The following KCNB2 variants were observed in gnomAD, a reference collection of about 807,000 sequenced individuals.
KCNB2 encodes delayed rectifier potassium channel protein.
In KCNB2, 15 loss-of-function variants were observed where a neutral mutation model predicts 61.5. That is an observed-to-expected ratio of 0.24 (90% CI 0.16 to 0.38). The LOEUF (loss-of-function observed/expected upper bound fraction) is 0.38. Among genes scored for constraint, KCNB2 ranks in the 10% least tolerant of loss-of-function variants. The pLI, the probability that KCNB2 is intolerant of heterozygous loss-of-function variation, is 1.00. For synonymous variants in KCNB2, 457 were observed against 446.0 expected (o/e 1.02, Z -0.31); for missense variants, 828 against 1,125.2 (o/e 0.74, Z 3.78).
At chr8:72,838,898 C>T (rs1352282613) in intron 2 of KCNB2, among the ~76,000 whole-genome samples, 1 of 152,148 alleles carries the variant, frequency 6.6e-6, no homozygotes, top group Non-Finnish European at 1.5e-5. Context: ...AATCCTCACT[C>T]TACTTTTTTA....
chr8:72,910,840 G>A (rs1021249594), intron 2 of KCNB2, among the ~76,000 whole-genome samples: 7 of 152,190 alleles, frequency 4.6e-5, no homozygotes, highest in Non-Finnish European at 1.0e-4. Context: ...GTATTCTGAC[G>A]ATTGAAATTT....
intron 2 of KCNB2, among the ~76,000 whole-genome samples, chr8:72,593,559 C>A (rs1807135261): frequency 1.3e-5 from 2 of 152,172 alleles, no homozygotes; most frequent in Admixed American, 6.5e-5. Flanking sequence ...AATTCCTGGG[C>A]AACTCTAGGG....
In KCNB2 at chr8:72,753,524, C is replaced by G. The variant is rs375006419; in HGVS notation, c.580-182411C>G. 1.9e-4 allele frequency among the ~76,000 whole-genome samples: 29 copies of G among 152,250 alleles called. No individual in the cohort carries two copies. In the East Asian group the frequency reaches 3.7e-3, roughly 19 times the overall value. On this transcript the variant is annotated intron_variant, in intron 2 of 2. Coordinates refer to ENST00000523207, the MANE Select transcript of KCNB2 (RefSeq NM_004770.3). The stretch of plus-strand genomic sequence containing the variant: ...GTTACACACTGGGAAGTACAGAATG[C>G]TATAGGAACCTGGAAGAAGAGGATG...
intron 2 of KCNB2, among the ~76,000 whole-genome samples, chr8:72,569,486 G>C (rs1020968641): frequency 6.6e-6 from 1 of 151,988 alleles, no homozygotes; most frequent in African/African-American, 2.4e-5. Context: ...ACTTCTAAAG[G>C]CATTTTACTT....
chr8:72,698,230 C>T (rs1807050622), intron 2 of KCNB2, among the ~76,000 whole-genome samples: 1 of 151,276 alleles, frequency 6.6e-6, no homozygotes, highest in Admixed American at 6.6e-5. Flanking sequence ...ATCAAGCAAA[C>T]TCAAGCAAAA....
intron 2 of KCNB2, among the ~76,000 whole-genome samples, chr8:72,909,685 G>C (rs1806250564): frequency 6.6e-6 from 1 of 152,054 alleles, no homozygotes; most frequent in African/African-American, 2.4e-5. Context: ...CCACACTCAG[G>C]TAGTGGCAAA....
intron 2 of KCNB2, among the ~76,000 whole-genome samples, chr8:72,904,179 C>T (rs1319392979): frequency 1.3e-5 from 2 of 152,118 alleles, no homozygotes; most frequent in Non-Finnish European, 2.9e-5. Flanking sequence ...TCACCAATCA[C>T]TTTCATCAAT....
chr8:72,607,238 AGAGGGATG>A (rs1805464277), intron 2 of KCNB2, among the ~76,000 whole-genome samples: 1 of 152,038 alleles, frequency 6.6e-6, no homozygotes, highest in African/African-American at 2.4e-5. Context: ...TGGTGTGGGG[AGAGGGATG>A]GAGTTGGAGG....
intron 2 of KCNB2, among the ~76,000 whole-genome samples, chr8:72,838,892 C>G (rs953763162): frequency 2.0e-5 from 3 of 152,076 alleles, no homozygotes; most frequent in Non-Finnish European, 4.4e-5. Context: ...CAAGACAATC[C>G]TCACTCTACT....
At chr8:72,858,818 A>G (rs922967629) in intron 2 of KCNB2, among the ~76,000 whole-genome samples, 5 of 152,180 alleles carry the variant, frequency 3.3e-5, no homozygotes, top group African/African-American at 1.2e-4. Context: ...CTCTTCCTCA[A>G]TACATGTTGT....
chr8:72,577,692 A>C lies in KCNB2; in HGVS notation c.579+9379A>C, dbSNP rs141678632. On this transcript the variant is annotated intron_variant, in intron 2 of 2. Coordinates refer to ENST00000523207, the MANE Select transcript of KCNB2 (RefSeq NM_004770.3). ...CTCGTGATGCAACCCCAAGTGTTGGATGCCACTTTAAATAGCTACTTCAAG... is the reference window on the plus strand; with the variant it reads ...CTCGTGATGCAACCCCAAGTGTTGGCTGCCACTTTAAATAGCTACTTCAAG... Among the ~76,000 whole-genome samples, 184 of 152,278 alleles carry C rather than the reference A, an allele frequency of 1.2e-3. 1 individual carries two copies. The highest frequency in any genetic ancestry group is 2.3e-3 in the Non-Finnish European group (159 of 68,024).
chr8:72,844,068 C>T (rs1417467407), intron 2 of KCNB2, among the ~76,000 whole-genome samples: 1 of 152,138 alleles, frequency 6.6e-6, no homozygotes, highest in Non-Finnish European at 1.5e-5. Flanking sequence ...TTTGCAGTGG[C>T]TGGTACTGGT....
intron 2 of KCNB2, among the ~76,000 whole-genome samples, chr8:72,606,293 A>G (rs1247777035): frequency 2.2e-4 from 34 of 152,178 alleles, no homozygotes; most frequent in Non-Finnish European, 3.4e-4. Context: ...AGCAGTGACA[A>G]ATCCATGGAA....
Position 72,767,271 on chromosome 8 carries a change from T to G in KCNB2, c.580-168664T>G, listed in dbSNP as rs191845332. On this transcript the variant is annotated intron_variant, in intron 2 of 2. Coordinates refer to ENST00000523207, the MANE Select transcript of KCNB2 (RefSeq NM_004770.3). ...TTTTAATATCTTTATTGATATAGTA[T>G]TTACTATAAAATTCACTTATTTAAT... Among the ~76,000 whole-genome samples the G allele has an allele frequency of 2.5e-3, 381 of 152,326 alleles. 2 individuals carry two copies. Among genetic ancestry groups the G allele is most frequent in the African/African-American group, 8.8e-3 (367 of 41,578 alleles).
intron 2 of KCNB2, among the ~76,000 whole-genome samples, chr8:72,903,736 A>G (rs7465440): frequency 2.0e-5 from 3 of 152,044 alleles, no homozygotes; most frequent in Admixed American, 6.6e-5. Context: ...CCCATGAAAG[A>G]TGGACATCTA....
At chr8:72,721,534 A>C (rs182090943) in intron 2 of KCNB2, among the ~76,000 whole-genome samples, 3 of 152,338 alleles carry the variant, frequency 2.0e-5, no homozygotes, top group Admixed American at 2.0e-4. Context: ...AAACAAAAGA[A>C]AAATAAGATG....
At chr8:72,867,094 A>T (rs1040159185) in intron 2 of KCNB2, among the ~76,000 whole-genome samples, 6 of 152,236 alleles carry the variant, frequency 3.9e-5, no homozygotes, top group African/African-American at 1.4e-4. Context: ...GAGTTTAATA[A>T]ATAATGATAA....
chr8:72,899,878 C>G (rs1053236132), intron 2 of KCNB2, among the ~76,000 whole-genome samples: 1 of 151,992 alleles, frequency 6.6e-6, no homozygotes, highest in Non-Finnish European at 1.5e-5. Context: ...TCATATGAAG[C>G]CAGAAAACAG....
chr8:72,583,122 T>C (rs1806933560), intron 2 of KCNB2, among the ~76,000 whole-genome samples: 1 of 152,198 alleles, frequency 6.6e-6, no homozygotes, highest in Non-Finnish European at 1.5e-5. Context: ...CAAAAATGCT[T>C]TTTATCAGCA....
Sources: gnomAD v4.1 joint callset for allele counts (sites outside exome capture counted in the v4.1 genomes callset) on GRCh38, gnomAD v4.1.1 for gene constraint, MANE v1.5 for transcripts, NCBI Gene and HGNC (gene_info 2026-07-23, HGNC 2026-07-21) for gene names.